ASMTL: variants seen among roughly 807,000 people sequenced by gnomAD.
ASMTL encodes the protein probable bifunctional dTTP/UTP pyrophosphatase/methyltransferase protein.
Under a neutral mutation model 60.3 loss-of-function variants are expected in ASMTL, and 57 were observed. The ratio of observed to expected loss-of-function variants is 0.95; its 90% CI spans 0.76 to 1.18. The LOEUF (loss-of-function observed/expected upper bound fraction) is 1.18, where lower values mean the gene tolerates loss of function less well. Ranked by LOEUF, ASMTL falls within the 50% of genes most tolerant of loss-of-function variation. ASMTL has a pLI of 0.00. For synonymous variants in ASMTL, 419 were observed against 373.0 expected (o/e 1.12, Z -1.42); for missense variants, 981 against 852.6 (o/e 1.15, Z -1.88).
chrX:1,428,242 G>C, intron 6 of ASMTL, 121 bp from the exon 7 acceptor site: 1 of 1,268,296 alleles, frequency 7.9e-7, no homozygotes, highest in South Asian at 1.5e-5. Flanking sequence ...GGCCATCCTG[G>C]CTAACACAGT....
chrX:1,412,960 G>A (rs1603450526), intron 11 of ASMTL, 106 bp from the exon 12 acceptor site: 1 of 657,000 alleles, frequency 1.5e-6, no homozygotes, highest in Admixed American at 3.5e-5. Context: ...GGACAGAGAA[G>A]AGAGGGGTGT....
At chrX:1,435,259 GA>G (rs55880115) in intron 4 of ASMTL, 176 bp from the exon 5 acceptor site, 180,942 of 712,428 alleles carry the variant, frequency 0.25, 25,275 homozygotes, top group African/African-American at 0.48. Context: ...CGGAGAGGCC[GA>G]GGGAAGGGGT....
At chrX:1,433,551 G>A (rs1230008175) in intron 5 of ASMTL, among the ~76,000 whole-genome samples, 9 of 150,974 alleles carry the variant, frequency 6.0e-5, no homozygotes, top group Admixed American at 2.0e-4. Flanking sequence ...GCGTGGTGGC[G>A]GGCCCGTCGT....
upstream of ASMTL, chrX:1,452,973 G>A (rs1415487801): frequency 1.5e-6 from 1 of 669,690 alleles, no homozygotes; most frequent in Admixed American, 3.6e-5. Context: ...CCTCCGCGAG[G>A]CCACGCCCAG....
chrX:1,416,614 C>T (rs1200975773), intron 11 of ASMTL, among the ~76,000 whole-genome samples: 3 of 134,396 alleles, frequency 2.2e-5, no homozygotes, highest in African/African-American at 7.9e-5. Context: ...CACACAGACG[C>T]ACAGAAACAC....
chrX:1,442,117 T>A (rs2149341969), intron 2 of ASMTL, 69 bp downstream of exon 2: 2 of 1,566,766 alleles, frequency 1.3e-6, no homozygotes, highest in East Asian at 4.5e-5. Flanking sequence ...CATGTATATT[T>A]ACCACCCGCA....
rs760130208 is a variant in ASMTL, at chrX:1,452,905, G to A, written c.-65C>T. 41 of 1,312,890 alleles carry A rather than the reference G, an allele frequency of 3.1e-5. No individual in the cohort carries two copies. In the African/African-American group the frequency reaches 4.0e-4, roughly 13 times the overall value. The allele number at this position is 1,312,890 out of a possible 1,614,324, so 81.3% of individuals were successfully genotyped here. A position where few individuals can be genotyped will look rare whatever the true frequency, so the allele number is the denominator to read the frequency against. On this transcript the variant is annotated 5_prime_UTR_variant, in exon 1 of 13. Transcript: ENST00000381317. ...CCGGAGCCCGCGGTGCGCGCAGCGC[G>A]GCTGCAAAAAAAACAGGCGGCCAGA...
intron 12 of ASMTL, among the ~76,000 whole-genome samples, chrX:1,411,823 T>C (rs1376640796): frequency 1.5e-5 from 2 of 136,048 alleles, no homozygotes; most frequent in Non-Finnish European, 1.6e-5. Flanking sequence ...TTTTTTTTTT[T>C]TTTTTTTGAG....
intron 8 of ASMTL, among the ~76,000 whole-genome samples, chrX:1,424,719 C>A (rs2090567968): frequency 6.6e-6 from 1 of 151,536 alleles, no homozygotes. Context: ...CCCATCCATC[C>A]ACACATCCTT....
At chrX:1,447,140 C>T (rs1251494908) in intron 1 of ASMTL, among the ~76,000 whole-genome samples, 1 of 152,224 alleles carries the variant, frequency 6.6e-6, no homozygotes, top group Non-Finnish European at 1.5e-5. Context: ...CAACCTCTTC[C>T]CCTCCAGGGC....
intron 5 of ASMTL, among the ~76,000 whole-genome samples, chrX:1,434,113 T>C (rs1210066820): frequency 6.6e-6 from 1 of 152,088 alleles, no homozygotes; most frequent in Non-Finnish European, 1.5e-5. Context: ...TGCCTCCTGG[T>C]GTCCGCCAAC....
chrX:1,433,093 G>C (rs866475543), intron 5 of ASMTL, among the ~76,000 whole-genome samples: 1 of 151,714 alleles, frequency 6.6e-6, no homozygotes, highest in Non-Finnish European at 1.5e-5. Flanking sequence ...GCGAGACTCT[G>C]TCTCAAATAA....
chrX:1,414,184 G>A (rs764043564), intron 11 of ASMTL, among the ~76,000 whole-genome samples: 2 of 152,074 alleles, frequency 1.3e-5, no homozygotes, highest in South Asian at 2.1e-4. Context: ...AGGGACACCC[G>A]GAGCCCCCAG....
intron 2 of ASMTL, 128 bp from the exon 3 acceptor site, chrX:1,439,272 G>C (rs2149338334): frequency 1.1e-6 from 1 of 901,792 alleles, no homozygotes; most frequent in Non-Finnish European, 1.8e-6. Flanking sequence ...AGTGAAGGCT[G>C]GGGGTGCTCA....
chrX:1,432,926 C>G (rs866679226), intron 5 of ASMTL, among the ~76,000 whole-genome samples: 50 of 151,566 alleles, frequency 3.3e-4, no homozygotes, highest in African/African-American at 1.2e-3. Flanking sequence ...GGCGAAACCC[C>G]GTCTCTACTA....
chrX:1,424,302 A>C, intron 8 of ASMTL, among the ~76,000 whole-genome samples: 1 of 143,356 alleles, frequency 7.0e-6, no homozygotes, highest in Non-Finnish European at 1.5e-5. Context: ...CCACCCACCT[A>C]CCCATTCATC....
rs754013045 is a variant in ASMTL at position 1,443,510 on chromosome X, G to C, written c.94-1193C>G. ...CGCCATCTTGGCCATCATGGACACA[G>C]TGTCATTGTGGACACACACCGCCAT... On this transcript the variant is annotated intron_variant, in intron 1 of 12. Coordinates refer to ENST00000381317, the MANE Select transcript of ASMTL (RefSeq NM_004192.4). Among the ~76,000 whole-genome samples, 256 of 142,502 alleles carry C rather than the reference G, an allele frequency of 1.8e-3. 1 individual carries two copies. The highest frequency in any genetic ancestry group is 5.9e-3 in the African/African-American group (215 of 36,712). 93.5% of individuals were successfully genotyped at this position (142,502 alleles called of 152,430 possible). A position where few individuals can be genotyped will look rare whatever the true frequency, so the allele number is the denominator to read the frequency against.
At chrX:1,435,567 C>T (rs1438760639) in intron 4 of ASMTL, 127 bp downstream of exon 4, 2 of 884,272 alleles carry the variant, frequency 2.3e-6, no homozygotes, top group Non-Finnish European at 3.7e-6. Context: ...CAGCACAGCT[C>T]AGACAGCACA....
At chrX:1,420,790 A>C (rs1257739258) in intron 9 of ASMTL, among the ~76,000 whole-genome samples, 1 of 151,780 alleles carries the variant, frequency 6.6e-6, no homozygotes, top group African/African-American at 2.4e-5. Context: ...AGCCTGTCCA[A>C]CTCCTTCCTA....
Sources: gnomAD v4.1 joint callset for allele counts (sites outside exome capture counted in the v4.1 genomes callset) on GRCh38, gnomAD v4.1.1 for gene constraint, MANE v1.5 for transcripts, NCBI Gene and HGNC (gene_info 2026-07-23, HGNC 2026-07-21) for gene names.